Variants in PCCA observed in about 807,000 individuals in gnomAD.
PCCA encodes propionyl-CoA carboxylase alpha chain, mitochondrial.
PCCA carries 74 observed loss-of-function variants against 101.3 expected under a neutral mutation model. That is an observed-to-expected ratio of 0.73 (90% CI 0.61 to 0.89). PCCA has a LOEUF of 0.89. PCCA is among the 40% of genes least tolerant of loss of function. The pLI, the probability that PCCA is intolerant of heterozygous loss-of-function variation, is 0.00. For missense variants in PCCA, 891 were observed against 907.0 expected, an observed-to-expected ratio of 0.98 and a Z score of 0.23; for synonymous variants, 294 against 313.6, an observed-to-expected ratio of 0.94 and a Z score of 0.66.
At chr13:100,247,215 G>GTTTTT (rs143058621) in intron 8 of PCCA, among the ~76,000 whole-genome samples, 57 of 108,242 alleles carry the variant, frequency 5.3e-4, no homozygotes, top group African/African-American at 2.0e-3. Context: ...GCCTGTGTGG[G>GTTTTT]TTTTTTTTTT....
intron 6 of PCCA, among the ~76,000 whole-genome samples, chr13:100,169,745 G>C (rs1199597035): frequency 6.8e-6 from 1 of 147,320 alleles, no homozygotes; most frequent in Non-Finnish European, 1.5e-5. Context: ...TTGTTGCCCA[G>C]CTGGAGTGCA....
chr13:100,132,226 T>C (rs573626849), intron 4 of PCCA, among the ~76,000 whole-genome samples: 1 of 106,700 alleles, frequency 9.4e-6, no homozygotes, highest in Non-Finnish European at 2.1e-5. Flanking sequence ...TCAGCACATG[T>C]GTAGATTATG....
At chr13:100,203,660 T>G (rs750637938) in intron 6 of PCCA, among the ~76,000 whole-genome samples, 1 of 152,182 alleles carries the variant, frequency 6.6e-6, no homozygotes, top group Non-Finnish European at 1.5e-5. Context: ...ACCGCTGCAC[T>G]CCGGAGTGAG....
intron 6 of PCCA, chr13:100,161,383 G>A (rs2054457864): frequency 6.6e-6 from 1 of 152,156 alleles, no homozygotes; most frequent in Non-Finnish European, 1.5e-5. Flanking sequence ...TTGAGAAAAT[G>A]TTCATGGTAA....
chr13:100,255,944 C>G (rs2062042998), intron 8 of PCCA, among the ~76,000 whole-genome samples: 1 of 152,166 alleles, frequency 6.6e-6, no homozygotes, highest in African/African-American at 2.4e-5. Context: ...TAATCTCCAC[C>G]TCTGTTTTCC....
intron 6 of PCCA, among the ~76,000 whole-genome samples, chr13:100,183,882 C>T (rs894735861): frequency 6.6e-6 from 1 of 152,146 alleles, no homozygotes; most frequent in African/African-American, 2.4e-5. Context: ...GTGAGGCTGG[C>T]TTTTTCTGCC....
At chr13:100,411,968 C>G (rs1168804839) in intron 19 of PCCA, among the ~76,000 whole-genome samples, 2 of 152,152 alleles carry the variant, frequency 1.3e-5, no homozygotes, top group Admixed American at 1.3e-4. Context: ...AGTTAAGGAA[C>G]TATTCAGGTT....
chr13:100,491,676 G>C, intron 21 of PCCA: 2 of 1,304,140 alleles, frequency 1.5e-6, no homozygotes, highest in Non-Finnish European at 2.0e-6. Flanking sequence ...TGGATTGACT[G>C]TGAGAAGCTT....
intron 18 of PCCA, among the ~76,000 whole-genome samples, chr13:100,341,145 A>G (rs2071249722): frequency 6.6e-6 from 1 of 152,200 alleles, no homozygotes; most frequent in African/African-American, 2.4e-5. Flanking sequence ...CTTACAGTGT[A>G]TCTTTTTAAA....
chr13:100,242,091 G>A (rs1277917729), intron 8 of PCCA, among the ~76,000 whole-genome samples: 4 of 152,074 alleles, frequency 2.6e-5, no homozygotes, highest in East Asian at 1.9e-4. Context: ...ATCCTAGTGT[G>A]TGTGTAGAAT....
intron 6 of PCCA, among the ~76,000 whole-genome samples, chr13:100,159,319 G>T (rs964827168): frequency 6.6e-5 from 10 of 152,042 alleles, no homozygotes; most frequent in African/African-American, 2.2e-4. Flanking sequence ...TTGAACTCCT[G>T]ATGTCGTGAT....
intron 19 of PCCA, among the ~76,000 whole-genome samples, chr13:100,397,176 C>T (rs914466181): frequency 2.0e-5 from 3 of 152,114 alleles, no homozygotes; most frequent in Non-Finnish European, 2.9e-5. Flanking sequence ...TGACCCTTGC[C>T]ACTGTGTTTT....
intron 6 of PCCA, among the ~76,000 whole-genome samples, chr13:100,165,840 C>T (rs764824007): frequency 1.3e-5 from 2 of 151,834 alleles, no homozygotes; most frequent in Admixed American, 6.6e-5. Context: ...GAGGGTGTAG[C>T]GAGCTATGAA....
At chr13:100,422,105 T>C (rs960547232) in intron 19 of PCCA, among the ~76,000 whole-genome samples, 9 of 145,278 alleles carry the variant, frequency 6.2e-5, no homozygotes, top group Admixed American at 6.9e-5. Flanking sequence ...TTTCTTTCTT[T>C]CTTTCTTTCT....
chr13:100,167,036 C>T (rs539125011), intron 6 of PCCA, among the ~76,000 whole-genome samples: 7 of 152,180 alleles, frequency 4.6e-5, no homozygotes, highest in African/African-American at 1.7e-4. Context: ...AGTCTTTTGT[C>T]CATTTTTAAA....
intron 12 of PCCA, among the ~76,000 whole-genome samples, chr13:100,286,169 A>T (rs2064628289): frequency 6.6e-6 from 1 of 152,188 alleles, no homozygotes; most frequent in Non-Finnish European, 1.5e-5. Context: ...GTGAGTAAAC[A>T]ATTGCACTGA....
rs945432262 is a variant in PCCA at position 100,394,046 on chromosome 13, G to A, written c.1746+25472G>A. On this transcript the variant is annotated intron_variant, in intron 19 of 23. Transcript: ENST00000376285. The surrounding 1 kb of genome is among the most constrained non-coding windows in gnomAD (Gnocchi z 4.3). Reference sequence around the variant, plus strand: ...TGTAGTCCATAAAAATAACATTGTTGTAGAGCCTCTGTATGCGTCAGCTGT... The same window carrying A: ...TGTAGTCCATAAAAATAACATTGTTATAGAGCCTCTGTATGCGTCAGCTGT... 6.6e-6 allele frequency among the ~76,000 whole-genome samples: 1 copy of A among 152,216 alleles called. No individual in the cohort carries two copies. The highest frequency in any genetic ancestry group is 2.4e-5 in the African/African-American group (1 of 41,444).
intron 10 of PCCA, 170 bp from the exon 11 acceptor site, chr13:100,268,515 TAATA>T (rs1356901966): frequency 5.7e-5 from 40 of 698,368 alleles, no homozygotes; most frequent in Non-Finnish European, 9.2e-5. Context: ...AGCTTTGGAG[TAATA>T]AATATAGTTT....
intron 12 of PCCA, among the ~76,000 whole-genome samples, chr13:100,294,335 G>T (rs956270115): frequency 3.3e-5 from 5 of 152,126 alleles, no homozygotes; most frequent in African/African-American, 1.2e-4. Flanking sequence ...TACGAATTTT[G>T]GGGGGTACAC....
Sources: gnomAD v4.1 joint callset for allele counts (sites outside exome capture counted in the v4.1 genomes callset) on GRCh38, gnomAD v4.1.1 for gene constraint, Gnocchi (gnomAD v3.1) non-coding constraint, MANE v1.5 for transcripts, NCBI Gene and HGNC (gene_info 2026-07-23, HGNC 2026-07-21) for gene names.